Variants in SMAD9 observed in about 807,000 individuals in gnomAD.
The protein encoded by SMAD9 is MAD homolog 9.
In SMAD9, 36 loss-of-function variants were observed where a neutral mutation model predicts 46.1. The observed-to-expected ratio is 0.78, with a 90% confidence interval of 0.60 to 1.03. The LOEUF (loss-of-function observed/expected upper bound fraction) is 1.03, where lower values mean the gene tolerates loss of function less well. SMAD9 is among the 50% of genes least tolerant of loss of function. The probability of loss-of-function intolerance (pLI) is 0.00; values close to 1 mark genes in which losing one functional copy is unlikely to be tolerated. For missense variants in SMAD9, 572 were observed against 599.8 expected, an observed-to-expected ratio of 0.95 and a Z score of 0.48; for synonymous variants, 245 against 237.1, an observed-to-expected ratio of 1.03 and a Z score of -0.31.
upstream of SMAD9, chr13:36,920,371 CG>C (rs2058736775): frequency 6.6e-6 from 1 of 150,452 alleles, no homozygotes; most frequent in African/African-American, 2.4e-5. Context: ...GGGGGCTGCG[CG>C]GGCCCGGCGG....
At chr13:36,911,859 C>T (rs1005934865) in intron 1 of SMAD9, among the ~76,000 whole-genome samples, 4 of 152,158 alleles carry the variant, frequency 2.6e-5, no homozygotes, top group African/African-American at 7.2e-5. Flanking sequence ...CAGGCATGTG[C>T]CACCACACCC....
rs114681862 is a variant in SMAD9 at position 36,854,320 on chromosome 13, A to C, written c.1004-645T>G. On this transcript the variant is annotated intron_variant, in intron 5 of 6. Coordinates refer to ENST00000379826, the MANE Select transcript of SMAD9 (RefSeq NM_001127217.3). Reference sequence around the variant, plus strand: ...TTTTATAATATTAGAAATGAAGTGAATATATCACACAAAAAAATCAAGTAA... The same window carrying C: ...TTTTATAATATTAGAAATGAAGTGACTATATCACACAAAAAAATCAAGTAA... Among the ~76,000 whole-genome samples the C allele has an allele frequency of 5.8e-3, 890 of 152,284 alleles. 5 individuals are homozygous for C. Among genetic ancestry groups the C allele is most frequent in the African/African-American group, 0.02 (812 of 41,556 alleles).
intron 1 of SMAD9, among the ~76,000 whole-genome samples, chr13:36,907,452 G>C (rs1457685906): frequency 1.3e-5 from 2 of 152,188 alleles, no homozygotes; most frequent in African/African-American, 4.8e-5. Context: ...AAGATTGCTT[G>C]AGGCCAGAAG....
intron 1 of SMAD9, among the ~76,000 whole-genome samples, chr13:36,913,504 G>A (rs1049131414): frequency 6.6e-5 from 10 of 151,976 alleles, no homozygotes; most frequent in African/African-American, 2.2e-4. Flanking sequence ...AAAACCCCAA[G>A]ATATAATCAA....
chr13:36,900,521 C>T (rs2058565587), intron 1 of SMAD9, among the ~76,000 whole-genome samples: 1 of 152,044 alleles, frequency 6.6e-6, no homozygotes, highest in African/African-American at 2.4e-5. Context: ...CCTCGTGATC[C>T]ACCCACCTCA....
chr13:36,910,849 T>C (rs921361446), intron 1 of SMAD9, among the ~76,000 whole-genome samples: 2 of 152,140 alleles, frequency 1.3e-5, no homozygotes, highest in Non-Finnish European at 2.9e-5. Context: ...ATTTGGTAAG[T>C]GTTTTCTCCA....
At chr13:36,861,714 A>C (rs908873438) in intron 5 of SMAD9, among the ~76,000 whole-genome samples, 3 of 149,072 alleles carry the variant, frequency 2.0e-5, no homozygotes, top group African/African-American at 7.4e-5. Flanking sequence ...GGATCACCCG[A>C]GGTCAGGAGT....
chr13:36,893,365 C>T (rs1465839902), intron 1 of SMAD9, among the ~76,000 whole-genome samples: 1 of 149,766 alleles, frequency 6.7e-6, no homozygotes, highest in Non-Finnish European at 1.5e-5. Context: ...AATTGAAAGC[C>T]ACTTCCCTAA....
intron 1 of SMAD9, among the ~76,000 whole-genome samples, chr13:36,902,745 C>T (rs1161994872): frequency 2.6e-5 from 4 of 152,138 alleles, no homozygotes; most frequent in Admixed American, 1.3e-4. Flanking sequence ...CGTGAGCCAC[C>T]GCACCCAGCC....
intron 4 of SMAD9, among the ~76,000 whole-genome samples, chr13:36,866,545 G>A (rs935747182): frequency 2.6e-5 from 4 of 152,066 alleles, no homozygotes; most frequent in African/African-American, 9.7e-5. Flanking sequence ...TGTCATTCTT[G>A]CATCTAGAGT....
intron 1 of SMAD9, among the ~76,000 whole-genome samples, chr13:36,909,473 C>T (rs942529157): frequency 2.1e-4 from 32 of 152,310 alleles, no homozygotes; most frequent in African/African-American, 7.7e-4. Context: ...ACATTCTTTA[C>T]ACATACGTAA....
intron 5 of SMAD9, 125 bp downstream of exon 5, chr13:36,865,412 A>C: frequency 2.6e-6 from 2 of 763,590 alleles, no homozygotes; most frequent in Non-Finnish European, 4.7e-6. Context: ...CTCAGAGCTC[A>C]CCAGCCCTGG....
intron 1 of SMAD9, among the ~76,000 whole-genome samples, chr13:36,909,224 A>G (rs2058641644): frequency 6.6e-6 from 1 of 152,202 alleles, no homozygotes; most frequent in Non-Finnish European, 1.5e-5. Flanking sequence ...CCTGTTTGCT[A>G]TGTAGTGAAA....
rs924920956 is a variant in SMAD9 at position 36,848,466 on chromosome 13, G to A, written c.*210C>T. On this transcript the variant is annotated 3_prime_UTR_variant, in exon 7 of 7. Coordinates refer to ENST00000379826, the MANE Select transcript of SMAD9 (RefSeq NM_001127217.3). ...CACAAAATCTGCTGCTTATAGCACA[G>A]GCACCAAAGTCCTGCTTTTCCAATT... 1.0e-5 allele frequency: 6 copies of A among 591,002 alleles called. No individual in the cohort carries two copies. Among genetic ancestry groups the A allele is most frequent in the African/African-American group, 5.6e-5 (3 of 53,906 alleles). 36.6% of individuals were successfully genotyped at this position (591,002 alleles called of 1,614,324 possible). A position where few individuals can be genotyped will look rare whatever the true frequency, so the allele number is the denominator to read the frequency against.
chr13:36,860,164 C>T (rs909939077), intron 5 of SMAD9, among the ~76,000 whole-genome samples: 44 of 152,022 alleles, frequency 2.9e-4, no homozygotes, highest in Admixed American at 1.7e-3. Flanking sequence ...GGGTCAGGAC[C>T]GCTTTCCGGT....
chr13:36,848,314 A>G lies in SMAD9; in HGVS notation c.*362T>C. ...CTAATACCTGACTTTTGCTGTATAA[A>G]CAGTTTCAATGTTTCTGTGAGGCCA... On this transcript the variant is annotated 3_prime_UTR_variant, in exon 7 of 7. Transcript: ENST00000379826. The G allele has an allele frequency of 3.7e-6, 1 of 268,166 alleles. No homozygotes were observed. Among genetic ancestry groups the G allele is most frequent in the East Asian group, 9.3e-5 (1 of 10,800 alleles). 16.6% of individuals were successfully genotyped at this position (268,166 alleles called of 1,614,324 possible). A position where few individuals can be genotyped will look rare whatever the true frequency, so the allele number is the denominator to read the frequency against.
chr13:36,914,913 T>C (rs918341535), intron 1 of SMAD9, among the ~76,000 whole-genome samples: 1 of 152,206 alleles, frequency 6.6e-6, no homozygotes, highest in Non-Finnish European at 1.5e-5. Context: ...TCCTTTAGAA[T>C]GACATTAACC....
chr13:36,866,407 C>T (rs1435038929), intron 4 of SMAD9, among the ~76,000 whole-genome samples: 1 of 151,984 alleles, frequency 6.6e-6, no homozygotes, highest in Middle Eastern at 3.4e-3. Context: ...GATGTTTTCA[C>T]ACCCAACATA....
In SMAD9 at chr13:36,899,136, CA is replaced by C. The variant is rs372223257; in HGVS notation, c.-186-19262del. ...TACATTCCTATTTACCAGCAGAAAA[CA>C]AATGGAAAATTAAAAAGTGAAAACA... On this transcript the variant is annotated intron_variant, in intron 1 of 6. Transcript: ENST00000379826. 5.5e-4 allele frequency among the ~76,000 whole-genome samples: 84 copies of C among 151,830 alleles called. 2 individuals are homozygous for C. Among genetic ancestry groups the C allele is most frequent in the African/African-American group, 2.0e-3 (82 of 41,362 alleles).
Sources: gnomAD v4.1 joint callset for allele counts (sites outside exome capture counted in the v4.1 genomes callset) on GRCh38, gnomAD v4.1.1 for gene constraint, MANE v1.5 for transcripts, NCBI Gene and HGNC (gene_info 2026-07-23, HGNC 2026-07-21) for gene names.